The following HCN1 variants were observed in gnomAD, a reference collection of about 807,000 sequenced individuals.
HCN1 encodes the protein potassium/sodium hyperpolarization-activated cyclic nucleotide-gated channel 1.
A neutral mutation model predicts 78.9 loss-of-function variants in HCN1; 13 were observed. That is an observed-to-expected ratio of 0.16 (90% CI 0.11 to 0.26). The LOEUF is 0.26. Ranked by LOEUF, HCN1 falls within the 10% of genes least tolerant of loss-of-function variation. The pLI, the probability that HCN1 is intolerant of heterozygous loss-of-function variation, is 1.00. For synonymous variants in HCN1, 552 were observed against 455.5 expected, an observed-to-expected ratio of 1.21 and a Z score of -2.70; for missense variants, 810 against 1,154.3, an observed-to-expected ratio of 0.70 and a Z score of 4.32.
intron 3 of HCN1, among the ~76,000 whole-genome samples, chr5:45,431,610 G>GT (rs1740464959): frequency 6.6e-6 from 1 of 152,078 alleles, no homozygotes; most frequent in African/African-American, 2.4e-5. Context: ...TGATTTTTGT[G>GT]TATGGTATAG....
intron 6 of HCN1, among the ~76,000 whole-genome samples, chr5:45,283,839 T>C (rs888709749): frequency 6.6e-6 from 1 of 152,092 alleles, no homozygotes; most frequent in East Asian, 1.9e-4. Flanking sequence ...GACACATGCA[T>C]GCGTATGTTG....
At chr5:45,358,747 G>A in intron 4 of HCN1, among the ~76,000 whole-genome samples, 1 of 152,070 alleles carries the variant, frequency 6.6e-6, no homozygotes, top group Non-Finnish European at 1.5e-5. Context: ...GCCTTTTGTG[G>A]GGAGATTTGC....
At position 45,608,449 on chromosome 5, in the gene HCN1, T is replaced by C. The variant is rs528726882; in HGVS notation, c.849+36736A>G. Among the ~76,000 whole-genome samples, 11 of 151,222 alleles carry C rather than the reference T, an allele frequency of 7.3e-5. No homozygotes were observed. The South Asian group carries it at 1.9e-3, about 26-fold the overall frequency. ...CTACTTCTTTATATGGTGATGAAAA[T>C]AGCTAACATAGTTCTAAATGAGAGG... On this transcript the variant is annotated intron_variant, in intron 2 of 7. Coordinates refer to ENST00000303230, the MANE Select transcript of HCN1 (RefSeq NM_021072.4).
intron 2 of HCN1, among the ~76,000 whole-genome samples, chr5:45,584,834 CT>C (rs1485351224): frequency 2.6e-5 from 4 of 152,180 alleles, no homozygotes; most frequent in African/African-American, 9.7e-5. Context: ...AAATTCTTTT[CT>C]TTAAGAAGTT....
At chr5:45,519,871 TA>T (rs1742582031) in intron 2 of HCN1, among the ~76,000 whole-genome samples, 1 of 151,984 alleles carries the variant, frequency 6.6e-6, no homozygotes, top group South Asian at 2.1e-4. Context: ...ACCAGGTAGT[TA>T]AAAATATTTA....
intron 1 of HCN1, among the ~76,000 whole-genome samples, chr5:45,679,315 C>T (rs1423125728): frequency 6.6e-6 from 1 of 151,992 alleles, no homozygotes; most frequent in Non-Finnish European, 1.5e-5. Flanking sequence ...AATAAAGACA[C>T]CTGGACTAGC....
intron 3 of HCN1, among the ~76,000 whole-genome samples, chr5:45,434,355 A>C (rs928843576): frequency 1.3e-5 from 2 of 152,178 alleles, no homozygotes; most frequent in African/African-American, 2.4e-5. Context: ...TTCAATCCAA[A>C]AGGTTTACAC....
At chr5:45,347,479 C>A (rs1167945883) in intron 5 of HCN1, among the ~76,000 whole-genome samples, 2 of 152,298 alleles carry the variant, frequency 1.3e-5, no homozygotes, top group African/African-American at 2.4e-5. Context: ...CAAAGGAACG[C>A]AGTTGGTCAC....
At chr5:45,545,895 C>A (rs1028754049) in intron 2 of HCN1, among the ~76,000 whole-genome samples, 1 of 151,974 alleles carries the variant, frequency 6.6e-6, no homozygotes, top group Non-Finnish European at 1.5e-5. Context: ...TTCTCTGACA[C>A]CTCAGATGTG....
In HCN1 at chr5:45,374,431, C is replaced by T. The variant is rs529660436; in HGVS notation, c.1231-21185G>A. ...TGGGTAAATTCCTGAACACATACAA[C>T]CTCCCAAGACTGAATCAAGAAGAAA... On this transcript the variant is annotated intron_variant, in intron 4 of 7. Transcript: ENST00000303230. 6.1e-5 allele frequency among the ~76,000 whole-genome samples: 9 copies of T among 147,858 alleles called. No individual in the cohort carries two copies. The East Asian group carries it at 1.6e-3, about 26-fold the overall frequency.
chr5:45,592,000 T>A (rs1282801098), intron 2 of HCN1, among the ~76,000 whole-genome samples: 1 of 152,154 alleles, frequency 6.6e-6, no homozygotes, highest in East Asian at 1.9e-4. Flanking sequence ...AGATTATTTT[T>A]TTTTTTGCCA....
chr5:45,445,201 C>T (rs1004938872), intron 3 of HCN1, among the ~76,000 whole-genome samples: 19 of 152,166 alleles, frequency 1.2e-4, no homozygotes, highest in South Asian at 2.1e-4. Flanking sequence ...ACTTTTCTGA[C>T]GGGCTTAGAA....
intron 2 of HCN1, among the ~76,000 whole-genome samples, chr5:45,618,897 T>A (rs1431841922): frequency 6.6e-6 from 1 of 151,644 alleles, no homozygotes; most frequent in Non-Finnish European, 1.5e-5. Context: ...ACATATTGGG[T>A]TTGAAGCACC....
At position 45,696,121 on chromosome 5, in the gene HCN1, C is replaced by T. The variant is rs1740008451; in HGVS notation, c.-28G>A. ...CCGGAGGACGCGGCCGGCGACGGCG[C>T]GGGCTCCAGACTCGCCGGCCGCCCG... On this transcript the variant is annotated 5_prime_UTR_variant, in exon 1 of 8. Coordinates refer to ENST00000303230, the MANE Select transcript of HCN1 (RefSeq NM_021072.4). 1 of 1,307,072 alleles carries T rather than the reference C, an allele frequency of 7.7e-7. No individual in the cohort carries two copies. The highest frequency in any genetic ancestry group is 1.6e-5 in the African/African-American group (1 of 64,252). 81.0% of individuals were successfully genotyped at this position (1,307,072 alleles called of 1,614,324 possible). A position where few individuals can be genotyped will look rare whatever the true frequency, so the allele number is the denominator to read the frequency against.
At chr5:45,445,346 A>T (rs1473780097) in intron 3 of HCN1, among the ~76,000 whole-genome samples, 2 of 152,196 alleles carry the variant, frequency 1.3e-5, no homozygotes, top group African/African-American at 4.8e-5. Context: ...GGCACCTGCC[A>T]TTGCCCAGGC....
At chr5:45,392,393 C>T (rs1394771221) in intron 4 of HCN1, among the ~76,000 whole-genome samples, 1 of 151,956 alleles carries the variant, frequency 6.6e-6, no homozygotes, top group African/African-American at 2.4e-5. Flanking sequence ...TTTGCCTGAG[C>T]TAAATAGGTT....
chr5:45,552,887 G>T (rs567569621), intron 2 of HCN1, among the ~76,000 whole-genome samples: 1 of 151,864 alleles, frequency 6.6e-6, no homozygotes, highest in East Asian at 1.9e-4. Context: ...CTGGGAATAC[G>T]AAATCTTTTA....
chr5:45,603,390 G>A (rs1248786297), intron 2 of HCN1, among the ~76,000 whole-genome samples: 1 of 152,012 alleles, frequency 6.6e-6, no homozygotes, highest in African/African-American at 2.4e-5. Flanking sequence ...CTGCTATCTA[G>A]TGATAAATAG....
intron 1 of HCN1, among the ~76,000 whole-genome samples, chr5:45,688,944 G>A (rs1345464069): frequency 6.6e-6 from 1 of 152,048 alleles, no homozygotes; most frequent in East Asian, 1.9e-4. Flanking sequence ...AAAATCTACA[G>A]AGACAGAGAG....
Sources: allele counts gnomAD v4.1 joint callset (sites outside exome capture counted in the v4.1 genomes callset), GRCh38; gene constraint gnomAD v4.1.1; transcripts MANE v1.5; gene names NCBI Gene and HGNC (gene_info 2026-07-23, HGNC 2026-07-21).